CDH4: variants seen among roughly 807,000 people sequenced by gnomAD.
CDH4 encodes cadherin 4, also known as cadherin-4.
CDH4 carries 33 observed loss-of-function variants against 86.0 expected under a neutral mutation model. That is an observed-to-expected ratio of 0.38 (90% confidence interval 0.29 to 0.51). CDH4 has a LOEUF of 0.51. Ranked by LOEUF, CDH4 falls within the 20% of genes least tolerant of loss-of-function variation. CDH4 has a pLI of 0.86. For synonymous variants in CDH4, 555 were observed against 549.4 expected, an observed-to-expected ratio of 1.01 and a Z score of -0.14; for missense variants, 1,114 against 1,307.4, an observed-to-expected ratio of 0.85 and a Z score of 2.28.
chr20:61,903,016 CAAAAAAAAA>C (rs58490650), intron 8 of CDH4, among the ~76,000 whole-genome samples: 33 of 83,106 alleles, frequency 4.0e-4, no homozygotes, highest in Non-Finnish European at 6.1e-4. Flanking sequence ...AAGACTGTCT[CAAAAAAAAA>C]AAAAAAAAAA....
chr20:61,581,952 G>A (rs2086432431), intron 2 of CDH4, among the ~76,000 whole-genome samples: 1 of 152,146 alleles, frequency 6.6e-6, no homozygotes, highest in Non-Finnish European at 1.5e-5. Context: ...TGGCTGGCCT[G>A]CCTGAGGGTC....
At chr20:61,797,370 CG>C (rs1226081784) in intron 4 of CDH4, among the ~76,000 whole-genome samples, 1 of 152,148 alleles carries the variant, frequency 6.6e-6, no homozygotes, top group Non-Finnish European at 1.5e-5. Context: ...AACTGCACAG[CG>C]GGGAGGTAAG....
chr20:61,563,494 G>A (rs546125381), intron 2 of CDH4, among the ~76,000 whole-genome samples: 47 of 152,154 alleles, frequency 3.1e-4, no homozygotes, highest in Admixed American at 7.9e-4. Flanking sequence ...CTTTTGGGCC[G>A]ACACATTCAC....
At chr20:61,666,748 C>T (rs2087329481) in intron 2 of CDH4, among the ~76,000 whole-genome samples, 1 of 152,266 alleles carries the variant, frequency 6.6e-6, no homozygotes, top group South Asian at 2.1e-4. Flanking sequence ...CTGACCAGAT[C>T]TTACCCTCGA....
chr20:61,743,812 T>G (rs752129345), intron 3 of CDH4, 23 bp downstream of exon 3: 1 of 1,539,060 alleles, frequency 6.5e-7, no homozygotes, highest in South Asian at 1.2e-5. Flanking sequence ...CGCCCGGGTC[T>G]GCGCTGGAGT....
At chr20:61,847,668 C>T (rs534088679) in intron 5 of CDH4, among the ~76,000 whole-genome samples, 9 of 152,306 alleles carry the variant, frequency 5.9e-5, no homozygotes, top group African/African-American at 1.9e-4. Flanking sequence ...ATTTGGCTCA[C>T]GGTTCTGCAG....
intron 2 of CDH4, among the ~76,000 whole-genome samples, chr20:61,358,535 G>A (rs2084766080): frequency 6.6e-6 from 1 of 152,220 alleles, no homozygotes; most frequent in East Asian, 1.9e-4. Flanking sequence ...TATTTTTGAT[G>A]TCTAAATGAG....
chr20:61,442,283 C>T (rs374408104), intron 2 of CDH4, among the ~76,000 whole-genome samples: 1 of 152,224 alleles, frequency 6.6e-6, no homozygotes, highest in East Asian at 1.9e-4. Context: ...GGCCGCATCA[C>T]ACCGGGTGTG....
chr20:61,699,543 C>G (rs1046508838), intron 2 of CDH4, among the ~76,000 whole-genome samples: 4 of 152,282 alleles, frequency 2.6e-5, no homozygotes, highest in African/African-American at 9.6e-5. Context: ...GTTGTCCACT[C>G]GAGAAAGTGT....
intron 2 of CDH4, among the ~76,000 whole-genome samples, chr20:61,714,941 G>A (rs2087937191): frequency 6.6e-6 from 1 of 152,180 alleles, no homozygotes. Flanking sequence ...AGGGACTGCT[G>A]GATCAAATGG....
chr20:61,869,563 G>A (rs193113912), intron 6 of CDH4, among the ~76,000 whole-genome samples: 291 of 152,336 alleles, frequency 1.9e-3, no homozygotes, highest in Middle Eastern at 3.4e-3. Flanking sequence ...GTCAAAAAAG[G>A]AGGTGGCCCA....
At chr20:61,656,348 C>T (rs62197795) in intron 2 of CDH4, among the ~76,000 whole-genome samples, 14,126 of 85,092 alleles carry the variant, frequency 0.17, 1,135 homozygotes, top group East Asian at 0.37. Flanking sequence ...TGGGTAGGCG[C>T]GTGCTGAAGT....
chr20:61,914,511 A>C (rs2054884801), intron 9 of CDH4, among the ~76,000 whole-genome samples: 2 of 152,152 alleles, frequency 1.3e-5, no homozygotes, highest in Admixed American at 6.5e-5. Flanking sequence ...GCCTCGGCAG[A>C]ATAACCCTGG....
At chr20:61,418,611 C>T (rs1448291489) in intron 2 of CDH4, among the ~76,000 whole-genome samples, 2 of 152,212 alleles carry the variant, frequency 1.3e-5, no homozygotes, top group African/African-American at 2.4e-5. Context: ...ACTTGCTCTA[C>T]AGCCCAGTGA....
At chr20:61,345,376 T>C (rs2123289491) in intron 2 of CDH4, among the ~76,000 whole-genome samples, 1 of 152,374 alleles carries the variant, frequency 6.6e-6, no homozygotes, top group South Asian at 2.1e-4. Flanking sequence ...CCTCTGGTTT[T>C]TAAAAGCAGT....
intron 2 of CDH4, among the ~76,000 whole-genome samples, chr20:61,505,243 C>T (rs1408090878): frequency 1.3e-5 from 2 of 152,160 alleles, no homozygotes; most frequent in Admixed American, 6.5e-5. Context: ...CAGGAGAGAG[C>T]AGCACCGTCA....
At chr20:61,535,740 T>G (rs1249168733) in intron 2 of CDH4, among the ~76,000 whole-genome samples, 1 of 152,088 alleles carries the variant, frequency 6.6e-6, no homozygotes, top group Non-Finnish European at 1.5e-5. Context: ...ATGGGGGCCC[T>G]TCAGTGCCGG....
At chr20:61,689,944 G>A (rs1260628367) in intron 2 of CDH4, among the ~76,000 whole-genome samples, 1 of 140,302 alleles carries the variant, frequency 7.1e-6, no homozygotes, top group South Asian at 2.4e-4. Context: ...TGTGGAATCA[G>A]GCTGGGACAC....
At chr20:61,437,618 CGTCAGTGTGTTCGG>C (rs1568844685) in intron 2 of CDH4, 2 of 152,202 alleles carry the variant, frequency 1.3e-5, no homozygotes, top group Non-Finnish European at 2.9e-5. Context: ...ACAAATGGAT[CGTCAGTGTGTTCGG>C]GTAATAAGGA....
Sources: allele counts gnomAD v4.1 joint callset (sites outside exome capture counted in the v4.1 genomes callset), GRCh38; gene constraint gnomAD v4.1.1; transcripts MANE v1.5; gene names NCBI Gene and HGNC (gene_info 2026-07-23, HGNC 2026-07-21).